The following SPINT1 variants were observed in gnomAD, a reference collection of about 807,000 sequenced individuals.
The protein encoded by SPINT1 is kunitz-type protease inhibitor 1.
Under a neutral mutation model 53.7 loss-of-function variants are expected in SPINT1, and 38 were observed. The ratio of observed to expected loss-of-function variants is 0.71; its 90% CI spans 0.55 to 0.93. The LOEUF is 0.93. SPINT1 is among the 40% of genes least tolerant of loss of function. The probability of loss-of-function intolerance (pLI) is 0.00; values close to 1 mark genes in which losing one functional copy is unlikely to be tolerated. For synonymous variants in SPINT1, 283 were observed against 280.6 expected, an observed-to-expected ratio of 1.01 and a Z score of -0.08; for missense variants, 645 against 692.9, an observed-to-expected ratio of 0.93 and a Z score of 0.78.
chr15:40,844,908 C>T lies in SPINT1; in HGVS notation c.354C>T (p.Leu118=). The change falls in exon 2 of 11, where the codon CTC becomes CTT. Residue 118 remains leucine, a synonymous_variant. Coordinates refer to ENST00000562057, the MANE Select transcript of SPINT1 (RefSeq NM_003710.4). This position sits in a 1 kb window ranked among gnomAD's most constrained non-coding sequence, Gnocchi z 5.8. The part of the protein sequence containing the change: ...RGEDAIAACF[L]INCLYEQNFV... ...AGGACGCCATCGCCGCCTGCTTCCTCATCAACTGCCTCTACGAGCAGAACT... is the reference window on the plus strand; with the variant it reads ...AGGACGCCATCGCCGCCTGCTTCCTTATCAACTGCCTCTACGAGCAGAACT... The T allele has an allele frequency of 6.2e-7, 1 of 1,614,040 alleles. No individual in the cohort carries two copies. The highest frequency in any genetic ancestry group is 2.2e-5 in the East Asian group (1 of 44,872).
chr15:40,855,889 C>A lies in SPINT1; in HGVS notation c.1118-3C>A, dbSNP rs1891619732. 1 of 1,613,530 alleles carries A rather than the reference C, an allele frequency of 6.2e-7. No homozygotes were observed. The highest frequency in any genetic ancestry group is 1.1e-5 in the South Asian group (1 of 91,022). ...TCACCATAGCCTACCCCATACCCCCCAGGGCACTGCGTGGACCTGCCAGAC... is the reference window on the plus strand; with the variant it reads ...TCACCATAGCCTACCCCATACCCCCAAGGGCACTGCGTGGACCTGCCAGAC... On this transcript the variant is annotated splice_polypyrimidine_tract_variant and splice_region_variant and intron_variant, in intron 8 of 10. Transcript: ENST00000562057.
intron 2 of SPINT1, among the ~76,000 whole-genome samples, chr15:40,850,197 C>T (rs749371945): frequency 8.5e-5 from 13 of 152,272 alleles, no homozygotes; most frequent in South Asian, 2.1e-4. Context: ...CTCAGCCTCC[C>T]GAGCAGCTGG....
In SPINT1 at chr15:40,857,283, G is replaced by T; in HGVS notation, c.*308G>T. 2.5e-6 allele frequency: 1 copy of T among 399,594 alleles called. No homozygotes were observed. Among genetic ancestry groups the T allele is most frequent in the Non-Finnish European group, 4.6e-6 (1 of 219,778 alleles). The allele number at this position is 399,594 out of a possible 1,614,324, so 24.8% of individuals were successfully genotyped here. On this transcript the variant is annotated 3_prime_UTR_variant, in exon 11 of 11. Coordinates refer to ENST00000562057, the MANE Select transcript of SPINT1 (RefSeq NM_003710.4). ...CAAAGCTGCCTGTCCCTACCCCATG[G>T]TGCTAGGAAGAGGAGTGGGGTGGTG...
Position 40,844,352 on chromosome 15 carries a change from C to G in SPINT1, c.-65-138C>G. 1.5e-6 allele frequency: 1 copy of G among 648,934 alleles called. No individual in the cohort carries two copies. The highest frequency in any genetic ancestry group is 2.7e-6 in the Non-Finnish European group (1 of 368,348). 40.2% of individuals were successfully genotyped at this position (648,934 alleles called of 1,614,324 possible). A position where few individuals can be genotyped will look rare whatever the true frequency, so the allele number is the denominator to read the frequency against. ...GTCCCTGGAGGGCGCGTGGGAGGGCCGGGCCCGTGCGCCCTCTTCGATCCT... is the reference window on the plus strand; with the variant it reads ...GTCCCTGGAGGGCGCGTGGGAGGGCGGGGCCCGTGCGCCCTCTTCGATCCT... On this transcript the variant is annotated intron_variant, in intron 1 of 10. Transcript: ENST00000562057. This position sits in a 1 kb window ranked among gnomAD's most constrained non-coding sequence, Gnocchi z 5.8.
At position 40,856,905 on chromosome 15, in the gene SPINT1, C is replaced by T. The variant is rs1325736878; in HGVS notation, c.1472C>T (p.Ala491Val). 3 of 1,614,076 alleles carry T rather than the reference C, an allele frequency of 1.9e-6. No homozygotes were observed. The African/African-American group carries it at 4.0e-5, about 22-fold the overall frequency. ...CACCACCACCCACCACCCACCCCTGCCAGCTCCACTGTCTCCACTACCGAG... is the reference window on the plus strand; with the variant it reads ...CACCACCACCCACCACCCACCCCTGTCAGCTCCACTGTCTCCACTACCGAG... ...GHHHHPPPTPASSTVSTTEDT... is the reference protein window; with the variant it reads ...GHHHHPPPTPVSSTVSTTEDT... Residue 491 changes from alanine (A) to valine (V), a missense_variant, in exon 11 of 11, where the codon GCC becomes GTC. Ala to Val is a moderately conservative substitution (Grantham distance 64). Coordinates refer to ENST00000562057, the MANE Select transcript of SPINT1 (RefSeq NM_003710.4).
At position 40,844,739 on chromosome 15, in the gene SPINT1, T is replaced by C; in HGVS notation, c.185T>C (p.Val62Ala). 3 of 1,610,274 alleles carry C rather than the reference T, an allele frequency of 1.9e-6. No individual in the cohort carries two copies. The highest frequency in any genetic ancestry group is 2.5e-6 in the Non-Finnish European group (3 of 1,177,730). The change falls in exon 2 of 11, where the codon GTG becomes GCG. Residue 62 changes from valine to alanine, a missense_variant. By Grantham distance (64) the Val-to-Ala change is moderately conservative. Transcript: ENST00000562057. The surrounding 1 kb of genome is among the most constrained non-coding windows in gnomAD (Gnocchi z 5.8). ...TTTACCGCCGGGGTGCCTGGCTTCG[T>C]GCTGGACACCAACGCCTCGGTCAGC... is the stretch of plus-strand genomic sequence containing the variant. ...NSFTAGVPGF[V>A]LDTNASVSNG...
chr15:40,845,318 A>ATTTTTTT lies in SPINT1; in HGVS notation c.475+314_475+320dup, dbSNP rs34480117. Among the ~76,000 whole-genome samples, 12 of 58,198 alleles carry ATTTTTTT rather than the reference A, an allele frequency of 2.1e-4. 1 individual carries two copies. The highest frequency in any genetic ancestry group is 1.2e-3 in the East Asian group (2 of 1,678). The allele number at this position is 58,198 out of a possible 152,430, so 38.2% of individuals were successfully genotyped here. A position where few individuals can be genotyped will look rare whatever the true frequency, so the allele number is the denominator to read the frequency against. On this transcript the variant is annotated intron_variant, in intron 2 of 10. Transcript: ENST00000562057. Reference sequence around the variant, plus strand: ...AGGCACCCGCTACCAGACCCGGCTAATTTTTTTTTTTTTTTTTTTTTTTTT... The same window carrying ATTTTTTT: ...AGGCACCCGCTACCAGACCCGGCTAATTTTTTTTTTTTTTTTTTTTTTTTTTTTTTTT...
Position 40,853,701 on chromosome 15 carries a change from T to TC in SPINT1, c.743-4dup. 6.2e-7 allele frequency: 1 copy of TC among 1,613,854 alleles called. No individual in the cohort carries two copies. Among genetic ancestry groups the TC allele is most frequent in the Non-Finnish European group, 8.5e-7 (1 of 1,179,870 alleles). On this transcript the variant is annotated splice_polypyrimidine_tract_variant and intron_variant, in intron 4 of 10. Coordinates refer to ENST00000562057, the MANE Select transcript of SPINT1 (RefSeq NM_003710.4). ...GGCCGCACGGTCCCCTCATAAGCTC[T>TC]CCCCCCTAGACTACTGCCTCGCATC...
At chr15:40,856,204 C>T in intron 9 of SPINT1, 72 bp from the exon 10 acceptor site, 1 of 1,598,780 alleles carries the variant, frequency 6.3e-7, no homozygotes, top group South Asian at 1.1e-5. Flanking sequence ...AGTGTGAGGT[C>T]TGGGGCACTG....
In SPINT1 at chr15:40,844,152, C is replaced by T. The variant is rs1421329989; in HGVS notation, c.-100C>T. On this transcript the variant is annotated 5_prime_UTR_variant, in exon 1 of 11. Transcript: ENST00000562057. This position sits in a 1 kb window ranked among gnomAD's most constrained non-coding sequence, Gnocchi z 5.8. ...GCGCAGGAAGCTGGGACCGGAACCT[C>T]GGCGGACCCGGCCCCACCCAACTCA... 2 of 438,856 alleles carry T rather than the reference C, an allele frequency of 4.6e-6. No individual in the cohort carries two copies. Among genetic ancestry groups the T allele is most frequent in the South Asian group, 1.6e-5 (1 of 61,436 alleles). The allele number at this position is 438,856 out of a possible 1,614,324, so 27.2% of individuals were successfully genotyped here. A position where few individuals can be genotyped will look rare whatever the true frequency, so the allele number is the denominator to read the frequency against.
chr15:40,854,849 C>T (rs1051965649), intron 8 of SPINT1, among the ~76,000 whole-genome samples, 160 bp downstream of exon 8: 2 of 152,216 alleles, frequency 1.3e-5, no homozygotes, highest in African/African-American at 4.8e-5. Context: ...CAGCTTCTTC[C>T]CTGGCTGGCT....
At chr15:40,853,443 A>AG (rs752561054) in intron 3 of SPINT1, 46 bp from the exon 4 acceptor site, 1 of 1,613,734 alleles carries the variant, frequency 6.2e-7, no homozygotes, top group East Asian at 2.2e-5. Context: ...GGGCAGCCCA[A>AG]GGGCATCAGG....
Position 40,856,965 on chromosome 15 carries a change from G to T in SPINT1, c.1532G>T (p.Arg511Leu), listed in dbSNP as rs377450581. The change falls in exon 11 of 11, where the codon CGG (arginine) becomes CTG (leucine). Residue 511 changes from arginine to leucine, a missense_variant. Physicochemically the swap from Arg to Leu is moderately radical, Grantham distance 102 (BLOSUM62 -2). Coordinates refer to ENST00000562057, the MANE Select transcript of SPINT1 (RefSeq NM_003710.4). The part of the protein sequence containing the change: ...TEHLVYNHTT[R>L]PL The stretch of plus-strand genomic sequence containing the variant: ...CACCTGGTCTATAACCACACCACGC[G>T]GCCCCTCTGAGCCTGGGTCTCACCG... 6.2e-7 allele frequency: 1 copy of T among 1,613,842 alleles called. No individual in the cohort carries two copies. Among genetic ancestry groups the T allele is most frequent in the African/African-American group, 1.3e-5 (1 of 74,990 alleles).
rs757578578 is a variant in SPINT1 at position 40,844,559 on chromosome 15, C to T, written c.5C>T (p.Ala2Val). 1.5e-5 allele frequency: 24 copies of T among 1,610,330 alleles called. No individual in the cohort carries two copies. Among genetic ancestry groups the T allele is most frequent in the Middle Eastern group, 3.5e-4 (2 of 5,728 alleles). Residue 2 changes from alanine to valine, a missense_variant, in exon 2 of 11, where the codon GCC (alanine) becomes GTC (valine). Transcript: ENST00000562057. This position sits in a 1 kb window ranked among gnomAD's most constrained non-coding sequence, Gnocchi z 5.8. M[A>V]PARTMARARL... ...ACCCCCCTGGGGAGGAAGGCGATGGCCCCTGCGAGGACGATGGCCCGCGCC... is the reference window on the plus strand; with the variant it reads ...ACCCCCCTGGGGAGGAAGGCGATGGTCCCTGCGAGGACGATGGCCCGCGCC...
At chr15:40,855,107 G>A (rs909655376) in intron 8 of SPINT1, among the ~76,000 whole-genome samples, 12 of 152,174 alleles carry the variant, frequency 7.9e-5, no homozygotes, top group Non-Finnish European at 5.9e-5. Flanking sequence ...CTTGCCAGGC[G>A]TGGTGGCTCA....
In SPINT1 at chr15:40,857,739, T is replaced by A. The variant is rs1566859562; in HGVS notation, c.*764T>A. ...CCGTCCTGTTCAGCTGGTTCAGGCTTCAGCCACCCTGTTGAGCAGGTTTTC... is the reference window on the plus strand; with the variant it reads ...CCGTCCTGTTCAGCTGGTTCAGGCTACAGCCACCCTGTTGAGCAGGTTTTC... On this transcript the variant is annotated 3_prime_UTR_variant, in exon 11 of 11. Coordinates refer to ENST00000562057, the MANE Select transcript of SPINT1 (RefSeq NM_003710.4). 1 of 152,184 alleles carries A rather than the reference T, an allele frequency of 6.6e-6. No homozygotes were observed. The highest frequency in any genetic ancestry group is 1.5e-5 in the Non-Finnish European group (1 of 68,108). 9.4% of individuals were successfully genotyped at this position (152,184 alleles called of 1,614,324 possible). A position where few individuals can be genotyped will look rare whatever the true frequency, so the allele number is the denominator to read the frequency against.
intron 9 of SPINT1, 35 bp downstream of exon 9, chr15:40,856,097 G>A: frequency 6.2e-7 from 1 of 1,611,586 alleles, no homozygotes; most frequent in Non-Finnish European, 8.5e-7. Flanking sequence ...GCATGTATGG[G>A]GGAAGGCTTA....
intron 6 of SPINT1, 132 bp from the exon 7 acceptor site, chr15:40,854,265 G>C: frequency 7.0e-7 from 1 of 1,424,864 alleles, no homozygotes; most frequent in South Asian, 1.4e-5. Context: ...TGCCCAGTTT[G>C]CGTGGGGCAG....
At chr15:40,845,715 C>T (rs1891274840) in intron 2 of SPINT1, among the ~76,000 whole-genome samples, 1 of 152,152 alleles carries the variant, frequency 6.6e-6, no homozygotes, top group Admixed American at 6.5e-5. Flanking sequence ...CCCCAGGACT[C>T]CTGACCTCTG....
Sources: allele counts gnomAD v4.1 joint callset (sites outside exome capture counted in the v4.1 genomes callset), GRCh38; gene constraint gnomAD v4.1.1; non-coding constraint Gnocchi (gnomAD v3.1); transcripts MANE v1.5; gene names NCBI Gene and HGNC (gene_info 2026-07-23, HGNC 2026-07-21).